The following USP54 variants were observed in gnomAD, a reference collection of about 807,000 sequenced individuals.
USP54 encodes the protein ubiquitin carboxyl-terminal hydrolase 54.
USP54 carries 87 observed loss-of-function variants against 170.5 expected under a neutral mutation model. The ratio of observed to expected loss-of-function variants is 0.51; its 90% CI spans 0.43 to 0.61. USP54 has a LOEUF of 0.61. Among genes scored for constraint, USP54 ranks in the 20% least tolerant of loss-of-function variants. The pLI is 0.00. For missense variants in USP54, 1,786 were observed against 2,047.8 expected, an observed-to-expected ratio of 0.87 and a Z score of 2.47; for synonymous variants, 655 against 742.8, an observed-to-expected ratio of 0.88 and a Z score of 1.92.
At chr10:73,547,770 T>C (rs1332227207) in intron 4 of USP54, among the ~76,000 whole-genome samples, 1 of 152,100 alleles carries the variant, frequency 6.6e-6, no homozygotes, top group Non-Finnish European at 1.5e-5. Context: ...ACTAAAACCA[T>C]AAAAACCCTA....
At chr10:73,509,265 T>C (rs1489846509) in intron 20 of USP54, among the ~76,000 whole-genome samples, 2 of 151,428 alleles carry the variant, frequency 1.3e-5, no homozygotes, top group East Asian at 1.9e-4. Context: ...TAAGAGATTA[T>C]TGTTAATTTT....
intron 1 of USP54, among the ~76,000 whole-genome samples, chr10:73,618,480 C>T (rs1475673127): frequency 1.3e-5 from 2 of 150,264 alleles, no homozygotes; most frequent in Admixed American, 1.3e-4. Context: ...CAGGGGCTCA[C>T]GCCTGTAATC....
At chr10:73,517,884 TAG>T (rs2061300542) in intron 19 of USP54, 137 bp from the exon 20 acceptor site, 1 of 1,137,772 alleles carries the variant, frequency 8.8e-7, no homozygotes, top group Non-Finnish European at 1.2e-6. Flanking sequence ...CAAGCACAAG[TAG>T]AGTCAGTAGT....
At chr10:73,541,544 G>T in intron 8 of USP54, 23 bp from the exon 9 acceptor site, 9 of 1,613,808 alleles carry the variant, frequency 5.6e-6, no homozygotes, top group South Asian at 1.1e-5. Context: ...TATAAGGCTA[G>T]TTCAACATGT....
chr10:73,511,818 C>T (rs1236197447), intron 20 of USP54, among the ~76,000 whole-genome samples: 2 of 150,944 alleles, frequency 1.3e-5, no homozygotes, highest in Non-Finnish European at 3.0e-5. Context: ...TCTCGGCTCA[C>T]TGCAACCTCC....
chr10:73,534,523 C>T, intron 12 of USP54, 77 bp downstream of exon 12: 1 of 1,519,968 alleles, frequency 6.6e-7, no homozygotes, highest in Non-Finnish European at 8.9e-7. Context: ...CTGCGCCTGG[C>T]CTCACAGTTT....
intron 20 of USP54, among the ~76,000 whole-genome samples, chr10:73,514,735 A>G (rs1322797320): frequency 4.0e-5 from 6 of 150,982 alleles, no homozygotes; most frequent in Admixed American, 2.7e-4. Context: ...ATCCTCAGAA[A>G]TGTATCTTAA....
In USP54 at chr10:73,520,987, C is replaced by A; in HGVS notation, c.2403G>T (p.Glu801Asp). Residue 801 changes from glutamate (E) to aspartate (D), a missense_variant, in exon 18 of 24, where the codon GAG becomes GAT. Glu to Asp is a conservative substitution (Grantham distance 45). Around this residue, in one of 3 missense-constraint regions of USP54, gnomAD observed 1,418 missense variants for 1,569.0 expected, o/e 0.90. Coordinates refer to ENST00000687698, the MANE Select transcript of USP54 (RefSeq NM_001391956.1). ...GATGTAGTGACTCTTCAAACACTGACTCTGCCTCTTGCAGGGACCTCTCAA... is the reference window on the plus strand; with the variant it reads ...GATGTAGTGACTCTTCAAACACTGAATCTGCCTCTTGCAGGGACCTCTCAA... ...DGFERSLQEAESVFEESLHLE... is the reference protein window; with the variant it reads ...DGFERSLQEADSVFEESLHLE... 1.2e-6 allele frequency: 2 copies of A among 1,614,188 alleles called. No individual in the cohort carries two copies. The highest frequency in any genetic ancestry group is 1.7e-6 in the Non-Finnish European group (2 of 1,180,048).
At chr10:73,503,265 G>A (rs1564605582) in intron 22 of USP54, among the ~76,000 whole-genome samples, 1 of 152,026 alleles carries the variant, frequency 6.6e-6, no homozygotes, top group Non-Finnish European at 1.5e-5. Context: ...GATACCTCAA[G>A]CCTGATTTAA....
upstream of USP54, among the ~76,000 whole-genome samples, chr10:73,593,431 A>G (rs2078460282): frequency 1.3e-5 from 2 of 151,852 alleles, no homozygotes; most frequent in Non-Finnish European, 2.9e-5. Context: ...TTTTGGGTAC[A>G]TGATTGCTAA....
chr10:73,526,391 G>A (rs2062856142), intron 16 of USP54, among the ~76,000 whole-genome samples: 2 of 152,144 alleles, frequency 1.3e-5, no homozygotes, highest in African/African-American at 2.4e-5. Flanking sequence ...GGGACTACAG[G>A]TGCACGCCGC....
chr10:73,568,926 T>G (rs988228251), intron 4 of USP54, among the ~76,000 whole-genome samples: 1 of 152,190 alleles, frequency 6.6e-6, no homozygotes, highest in Non-Finnish European at 1.5e-5. Flanking sequence ...ATAATGATAC[T>G]GATTTATACT....
chr10:73,562,596 T>C (rs1798028767), intron 4 of USP54, among the ~76,000 whole-genome samples: 1 of 152,218 alleles, frequency 6.6e-6, no homozygotes. Flanking sequence ...TTTTATGAGA[T>C]TAGCCCAAGT....
chr10:73,518,395 T>C (rs1363688920), intron 19 of USP54, among the ~76,000 whole-genome samples: 1 of 152,242 alleles, frequency 6.6e-6, no homozygotes, highest in Non-Finnish European at 1.5e-5. Context: ...GGATTAACTG[T>C]ATTTAGTTGG....
At chr10:73,519,754 C>A in intron 19 of USP54, 43 bp downstream of exon 19, 1 of 1,611,260 alleles carries the variant, frequency 6.2e-7, no homozygotes, top group South Asian at 1.1e-5. Flanking sequence ...ATGGTCATTT[C>A]TTCCCCTGGC....
chr10:73,608,189 G>A (rs967800682), intron 1 of USP54, among the ~76,000 whole-genome samples: 1 of 151,568 alleles, frequency 6.6e-6, no homozygotes, highest in Non-Finnish European at 1.5e-5. Flanking sequence ...GAACCCGGGA[G>A]GCGGAGGTTG....
intron 1 of USP54, among the ~76,000 whole-genome samples, chr10:73,615,859 G>A (rs2080580401): frequency 7.1e-6 from 1 of 140,142 alleles, no homozygotes; most frequent in Non-Finnish European, 1.5e-5. Flanking sequence ...AATTGAGGCT[G>A]TAGTGAGCGA....
At position 73,516,414 on chromosome 10, in the gene USP54, C is replaced by T; in HGVS notation, c.4012G>A (p.Gly1338Arg). 1 of 1,613,916 alleles carries T rather than the reference C, an allele frequency of 6.2e-7. No homozygotes were observed. The highest frequency in any genetic ancestry group is 8.5e-7 in the Non-Finnish European group (1 of 1,179,978). ...QASQAGCSGWGQQDTAWHPLS... is the reference protein window; with the variant it reads ...QASQAGCSGWRQQDTAWHPLS... ...GGGTGCCAGGCGGTATCCTGCTGCC[C>T]CCATCCAGAACAGCCAGCTTGAGAA... The change falls in exon 20 of 24, where the codon GGG becomes AGG. Residue 1338 changes from glycine (G) to arginine (R), a missense_variant. Coordinates refer to ENST00000687698, the MANE Select transcript of USP54 (RefSeq NM_001391956.1).
chr10:73,536,523 GAAAAT>G (rs1397383439), intron 10 of USP54, 86 bp from the exon 11 acceptor site: 1 of 1,351,410 alleles, frequency 7.4e-7, no homozygotes, highest in Non-Finnish European at 9.7e-7. Flanking sequence ...TATTTCTAAA[GAAAAT>G]AAAAGAGATG....
Sources: allele counts gnomAD v4.1 joint callset (sites outside exome capture counted in the v4.1 genomes callset), GRCh38; gene constraint gnomAD v4.1.1; regional missense constraint gnomAD v4.1.1; transcripts MANE v1.5; gene names NCBI Gene and HGNC (gene_info 2026-07-23, HGNC 2026-07-21).